The following CSGALNACT2 variants were observed in gnomAD, a reference collection of about 807,000 sequenced individuals.
CSGALNACT2 encodes the protein chondroitin sulfate N-acetylgalactosaminyltransferase 2.
CSGALNACT2 carries 35 observed loss-of-function variants against 55.3 expected under a neutral mutation model. The ratio of observed to expected loss-of-function variants is 0.63; its 90% CI spans 0.48 to 0.84. CSGALNACT2 has a LOEUF of 0.84. Ranked by LOEUF, CSGALNACT2 falls within the 40% of genes least tolerant of loss-of-function variation. CSGALNACT2 has a pLI of 0.00. For synonymous variants in CSGALNACT2, 196 were observed against 224.9 expected (o/e 0.87, Z 1.15); for missense variants, 544 against 657.5 (o/e 0.83, Z 1.89).
chr10:43,162,667 A>G, intron 4 of CSGALNACT2: 1 of 985,390 alleles, frequency 1.0e-6, no homozygotes, highest in Non-Finnish European at 1.2e-6. Context: ...CTAAAATGTT[A>G]CTTTTTTGAT....
At position 43,154,983 on chromosome 10, in the gene CSGALNACT2, T is replaced by A. The variant is rs1838960846; in HGVS notation, c.-167T>A. ...TAACAATACAGAAAGTATACATAAT[T>A]TCCCATTTCTGCAAGTAGTCATGAC... On this transcript the variant is annotated 5_prime_UTR_variant, in exon 2 of 8. Coordinates refer to ENST00000374466, the MANE Select transcript of CSGALNACT2 (RefSeq NM_018590.5). The A allele has an allele frequency of 1.7e-6, 1 of 605,494 alleles. No individual in the cohort carries two copies. The highest frequency in any genetic ancestry group is 3.1e-5 in the Admixed American group (1 of 32,600). The allele number at this position is 605,494 out of a possible 1,614,324, so 37.5% of individuals were successfully genotyped here.
At chr10:43,163,441 TA>T in intron 4 of CSGALNACT2, 2 of 853,758 alleles carry the variant, frequency 2.3e-6, no homozygotes, top group Non-Finnish European at 2.8e-6. Context: ...GCTTCTCAAG[TA>T]GTATTAGGGA....
At chr10:43,164,103 C>A in intron 5 of CSGALNACT2, 59 bp downstream of exon 5, 1 of 1,381,876 alleles carries the variant, frequency 7.2e-7, no homozygotes, top group Non-Finnish European at 9.8e-7. Context: ...TCAGCATGTC[C>A]TATAGTTTGA....
chr10:43,160,820 CCCA>C (rs1464910272), intron 4 of CSGALNACT2, among the ~76,000 whole-genome samples: 1 of 152,124 alleles, frequency 6.6e-6, no homozygotes, highest in Non-Finnish European at 1.5e-5. Context: ...TTCTCTGTGG[CCCA>C]CTCACCTTCT....
rs1332020305 is a variant in CSGALNACT2 at position 43,185,113 on chromosome 10, TGA to T, written c.*1576_*1577del. 1 of 152,136 alleles carries T rather than the reference TGA, an allele frequency of 6.6e-6. No individual in the cohort carries two copies. Among genetic ancestry groups the T allele is most frequent in the African/African-American group, 2.4e-5 (1 of 41,442 alleles). 9.4% of individuals were successfully genotyped at this position (152,136 alleles called of 1,614,324 possible). ...GACCAGTGAATTACGATATTTAAAG[TGA>T]GAGAACTTAATTATTTGCAAAGGTA... On this transcript the variant is annotated 3_prime_UTR_variant, in exon 8 of 8. Transcript: ENST00000374466.
At chr10:43,160,322 C>G (rs1839116563) in intron 3 of CSGALNACT2, among the ~76,000 whole-genome samples, 172 bp from the exon 4 acceptor site, 1 of 152,226 alleles carries the variant, frequency 6.6e-6, no homozygotes, top group Non-Finnish European at 1.5e-5. Context: ...AAGGGGTGCA[C>G]TCATTCAGGC....
At chr10:43,168,725 A>G (rs1839322442) in intron 6 of CSGALNACT2, among the ~76,000 whole-genome samples, 1 of 151,470 alleles carries the variant, frequency 6.6e-6, no homozygotes, top group South Asian at 2.1e-4. Context: ...TACCTTATCT[A>G]TAGGCCAGTA....
intron 6 of CSGALNACT2, among the ~76,000 whole-genome samples, chr10:43,175,090 G>A (rs1323925976): frequency 3.3e-5 from 5 of 152,176 alleles, no homozygotes; most frequent in East Asian, 3.9e-4. Flanking sequence ...TAGCTGCATC[G>A]TGCACTAGAG....
chr10:43,149,073 TGTTTGGTTTG>T (rs1311060284), intron 1 of CSGALNACT2, among the ~76,000 whole-genome samples: 1 of 152,032 alleles, frequency 6.6e-6, no homozygotes, highest in East Asian at 1.9e-4. Flanking sequence ...TATTGAATGG[TGTTTGGTTTG>T]GTTTGGTTTG....
Position 43,158,905 on chromosome 10 carries a change from A to G in CSGALNACT2, c.852A>G (p.Ala284=). ...IIVPLAERTE[A]FVQFMQNFRD... ...TGCCACTTGCTGAAAGAACTGAAGC[A>G]TTTGTACAATTTATGCAGAACTTCA... The change falls in exon 3 of 8, where the codon GCA becomes GCG. Residue 284 remains alanine (A), a synonymous_variant. Coordinates refer to ENST00000374466, the MANE Select transcript of CSGALNACT2 (RefSeq NM_018590.5). The G allele has an allele frequency of 6.2e-7, 1 of 1,607,644 alleles. No individual in the cohort carries two copies. Among genetic ancestry groups the G allele is most frequent in the Non-Finnish European group, 8.5e-7 (1 of 1,174,604 alleles).
At chr10:43,143,537 G>GTGTGTA (rs1564508132) in intron 1 of CSGALNACT2, among the ~76,000 whole-genome samples, 2 of 143,330 alleles carry the variant, frequency 1.4e-5, no homozygotes, top group African/African-American at 5.2e-5. Context: ...GTGTGTGTGT[G>GTGTGTA]GAATCATAAT....
intron 6 of CSGALNACT2, among the ~76,000 whole-genome samples, chr10:43,173,849 C>G (rs1839428573): frequency 6.6e-6 from 1 of 152,154 alleles, no homozygotes; most frequent in Non-Finnish European, 1.5e-5. Context: ...CAAAATTAGC[C>G]AGGTGTGGTG....
intron 6 of CSGALNACT2, among the ~76,000 whole-genome samples, chr10:43,170,889 C>T (rs918206317): frequency 1.3e-5 from 2 of 152,148 alleles, no homozygotes; most frequent in African/African-American, 4.8e-5. Context: ...CTGCAGCAAG[C>T]CCACATTGAG....
intron 5 of CSGALNACT2, among the ~76,000 whole-genome samples, chr10:43,166,007 G>A (rs1356089055): frequency 1.3e-5 from 2 of 152,132 alleles, no homozygotes; most frequent in Non-Finnish European, 2.9e-5. Context: ...GAATCTAATA[G>A]CAAATGGGGT....
At chr10:43,150,808 C>T (rs556549026) in intron 1 of CSGALNACT2, among the ~76,000 whole-genome samples, 1 of 152,266 alleles carries the variant, frequency 6.6e-6, no homozygotes, top group African/African-American at 2.4e-5. Flanking sequence ...TGACTCCTTC[C>T]CCCTTCTTTG....
At chr10:43,172,962 C>T (rs1839411191) in intron 6 of CSGALNACT2, among the ~76,000 whole-genome samples, 1 of 152,126 alleles carries the variant, frequency 6.6e-6, no homozygotes, top group African/African-American at 2.4e-5. Flanking sequence ...GTGTTTGGAG[C>T]ACAGCCGGTG....
At chr10:43,147,893 C>G (rs1399775590) in intron 1 of CSGALNACT2, among the ~76,000 whole-genome samples, 2 of 149,616 alleles carry the variant, frequency 1.3e-5, no homozygotes, top group East Asian at 3.9e-4. Flanking sequence ...CTTTGCAACA[C>G]AAGTTTTTTT....
At chr10:43,154,235 G>A (rs569790627) in intron 1 of CSGALNACT2, among the ~76,000 whole-genome samples, 19 of 152,296 alleles carry the variant, frequency 1.2e-4, no homozygotes, top group Non-Finnish European at 2.4e-4. Context: ...ATAAGCTTTA[G>A]TTGGGAAATG....
Position 43,167,137 on chromosome 10 carries a change from G to A in CSGALNACT2, c.1254+39G>A, listed in dbSNP as rs543751959. ...ATTTTCAGTTATGAAAGACTCTAAA[G>A]ATCTTTTCTAGATGTTTGTTGTGTA... On this transcript the variant is annotated intron_variant, in intron 6 of 7. Coordinates refer to ENST00000374466, the MANE Select transcript of CSGALNACT2 (RefSeq NM_018590.5). 1.1e-5 allele frequency: 14 copies of A among 1,277,012 alleles called. No homozygotes were observed. In the African/African-American group the frequency reaches 1.9e-4, roughly 17 times the overall value. The allele number at this position is 1,277,012 out of a possible 1,614,324, so 79.1% of individuals were successfully genotyped here.
Sources: allele counts gnomAD v4.1 joint callset (sites outside exome capture counted in the v4.1 genomes callset), GRCh38; gene constraint gnomAD v4.1.1; transcripts MANE v1.5; gene names NCBI Gene and HGNC (gene_info 2026-07-23, HGNC 2026-07-21).